Variants in ELOVL6 observed in about 807,000 individuals in gnomAD.
ELOVL6 encodes the protein very long chain fatty acid elongase 6.
Under a neutral mutation model 31.7 loss-of-function variants are expected in ELOVL6, and 8 were observed. The observed-to-expected ratio is 0.25, with a 90% CI of 0.15 to 0.45. ELOVL6 has a LOEUF of 0.45. Among genes scored for constraint, ELOVL6 ranks in the 20% least tolerant of loss-of-function variants. The pLI, the probability that ELOVL6 is intolerant of heterozygous loss-of-function variation, is 1.00. For missense variants in ELOVL6, 126 were observed against 326.4 expected, an observed-to-expected ratio of 0.39 and a Z score of 4.73; for synonymous variants, 101 against 117.7, an observed-to-expected ratio of 0.86 and a Z score of 0.92.
At chr4:110,084,531 TACACACACAC>T (rs67665852) in intron 2 of ELOVL6, among the ~76,000 whole-genome samples, 10,236 of 69,958 alleles carry the variant, frequency 0.15, 1,219 homozygotes, top group East Asian at 0.31. Flanking sequence ...TATATACACT[TACACACACAC>T]ACACACACAC....
At chr4:110,179,431 G>A (rs1456173553) in intron 1 of ELOVL6, among the ~76,000 whole-genome samples, 3 of 152,120 alleles carry the variant, frequency 2.0e-5, no homozygotes, top group Admixed American at 1.3e-4. Flanking sequence ...GCTTGAAACC[G>A]GGAGGCTGAG....
intron 1 of ELOVL6, among the ~76,000 whole-genome samples, chr4:110,183,384 A>AT (rs1370247527): frequency 1.3e-5 from 2 of 152,170 alleles, no homozygotes; most frequent in African/African-American, 4.8e-5. Context: ...GAACCAATAT[A>AT]TACCTCACAT....
chr4:110,149,949 C>T (rs1758236243), intron 1 of ELOVL6, among the ~76,000 whole-genome samples: 1 of 152,136 alleles, frequency 6.6e-6, no homozygotes, highest in African/African-American at 2.4e-5. Flanking sequence ...AATTTTTCTT[C>T]CCCTTAAAAC....
chr4:110,144,610 A>G (rs906717561), intron 1 of ELOVL6, among the ~76,000 whole-genome samples: 1 of 152,106 alleles, frequency 6.6e-6, no homozygotes, highest in Admixed American at 6.5e-5. Flanking sequence ...TTCCAACTTT[A>G]CACTGGTACC....
At chr4:110,171,094 G>A (rs939733213) in intron 1 of ELOVL6, among the ~76,000 whole-genome samples, 1 of 152,160 alleles carries the variant, frequency 6.6e-6, no homozygotes, top group Non-Finnish European at 1.5e-5. Flanking sequence ...AGGCCTTGCT[G>A]GGTTTCCCGC....
intron 1 of ELOVL6, among the ~76,000 whole-genome samples, chr4:110,187,492 T>C (rs1458865383): frequency 2.6e-5 from 4 of 151,442 alleles, no homozygotes; most frequent in Non-Finnish European, 5.9e-5. Flanking sequence ...GCGGATCACC[T>C]GAGATCAGGA....
chr4:110,084,432 T>TCATATATGATATATCA (rs1261421313), intron 2 of ELOVL6, among the ~76,000 whole-genome samples: 7 of 120,278 alleles, frequency 5.8e-5, no homozygotes, highest in South Asian at 2.5e-4. Context: ...ATCACATATA[T>TCATATATGATATATCA]CATATATGAT....
intron 1 of ELOVL6, among the ~76,000 whole-genome samples, chr4:110,138,541 G>C (rs982316148): frequency 6.6e-6 from 1 of 152,142 alleles, no homozygotes; most frequent in Non-Finnish European, 1.5e-5. Flanking sequence ...CTTTTAGATG[G>C]AGAATGAGAA....
At chr4:110,120,981 A>C (rs2126253832) in intron 1 of ELOVL6, among the ~76,000 whole-genome samples, 1 of 151,716 alleles carries the variant, frequency 6.6e-6, no homozygotes, top group South Asian at 2.1e-4. Context: ...TCGTATTTTT[A>C]GTAGAGACAG....
chr4:110,148,680 T>TAC (rs1276105793), intron 1 of ELOVL6, among the ~76,000 whole-genome samples: 1 of 152,160 alleles, frequency 6.6e-6, no homozygotes, highest in Non-Finnish European at 1.5e-5. Context: ...AGGGGATGGA[T>TAC]ACACCATTTT....
At chr4:110,141,973 T>TTC in intron 1 of ELOVL6, among the ~76,000 whole-genome samples, 1 of 150,116 alleles carries the variant, frequency 6.7e-6, no homozygotes, top group East Asian at 1.9e-4. Context: ...CACACTCATC[T>TTC]TCTACCTTCA....
chr4:110,198,671 C>A (rs1192776335), upstream of ELOVL6: 5 of 233,326 alleles, frequency 2.1e-5, no homozygotes, highest in Non-Finnish European at 4.2e-5. Flanking sequence ...TCTCCTCCCC[C>A]TCGTGCGATT....
At chr4:110,171,679 C>CA (rs1758951341) in intron 1 of ELOVL6, among the ~76,000 whole-genome samples, 1 of 66,176 alleles carries the variant, frequency 1.5e-5, no homozygotes, top group African/African-American at 5.3e-5. Flanking sequence ...ATAATATCCT[C>CA]TTTTTTTTTT....
intron 3 of ELOVL6, among the ~76,000 whole-genome samples, chr4:110,055,737 C>T (rs1560799136): frequency 6.6e-6 from 1 of 152,126 alleles, no homozygotes; most frequent in Non-Finnish European, 1.5e-5. Flanking sequence ...ATGACATGCT[C>T]AACTGAGCAA....
chr4:110,135,180 C>A (rs1031256625), intron 1 of ELOVL6, among the ~76,000 whole-genome samples: 4 of 152,108 alleles, frequency 2.6e-5, no homozygotes, highest in Admixed American at 6.6e-5. Context: ...TCTGAAGGTA[C>A]CTAATGAATG....
intron 2 of ELOVL6, among the ~76,000 whole-genome samples, chr4:110,096,015 TCA>T (rs150225583): frequency 0.15 from 22,559 of 152,196 alleles, 1,888 homozygotes; most frequent in African/African-American, 0.23. Context: ...TTTGGAAATA[TCA>T]CAGACAGGCA....
At chr4:110,095,551 A>G (rs1756557623) in intron 2 of ELOVL6, among the ~76,000 whole-genome samples, 2 of 151,834 alleles carry the variant, frequency 1.3e-5, no homozygotes, top group Non-Finnish European at 2.9e-5. Context: ...AAAAGATTCG[A>G]TATACCATGT....
At chr4:110,078,281 T>C (rs1166597982) in intron 2 of ELOVL6, among the ~76,000 whole-genome samples, 1 of 152,108 alleles carries the variant, frequency 6.6e-6, no homozygotes, top group Non-Finnish European at 1.5e-5. Context: ...CCAAGACACA[T>C]AATTGTCAGA....
At chr4:110,071,739 G>C (rs1456803074) in intron 2 of ELOVL6, among the ~76,000 whole-genome samples, 1 of 152,176 alleles carries the variant, frequency 6.6e-6, no homozygotes, top group Non-Finnish European at 1.5e-5. Flanking sequence ...CAGAGCACTG[G>C]AGCAAGGGGT....
Sources: gnomAD v4.1 joint callset for allele counts (sites outside exome capture counted in the v4.1 genomes callset) on GRCh38, gnomAD v4.1.1 for gene constraint, MANE v1.5 for transcripts, NCBI Gene and HGNC (gene_info 2026-07-23, HGNC 2026-07-21) for gene names.